The following TNIK variants were observed in gnomAD, a reference collection of about 807,000 sequenced individuals.
TNIK encodes the protein TRAF2 and NCK-interacting protein kinase.
In TNIK, 49 loss-of-function variants were observed where a neutral mutation model predicts 191.3. The ratio of observed to expected loss-of-function variants is 0.26; its 90% confidence interval spans 0.20 to 0.32. TNIK has a LOEUF of 0.32. Ranked by LOEUF, TNIK falls within the 10% of genes least tolerant of loss-of-function variation. TNIK has a pLI of 1.00. For missense variants in TNIK, 1,155 were observed against 1,702.3 expected (o/e 0.68, Z 5.66); for synonymous variants, 594 against 600.9 (o/e 0.99, Z 0.17).
At chr3:171,087,196 G>T in intron 24 of TNIK, 146 bp downstream of exon 24, 1 of 1,114,912 alleles carries the variant, frequency 9.0e-7, no homozygotes, top group Non-Finnish European at 1.3e-6. Context: ...TTCTCTATTT[G>T]AGTATCTGCA....
At chr3:171,435,121 G>A (rs1022005159) in intron 1 of TNIK, among the ~76,000 whole-genome samples, 1 of 152,162 alleles carries the variant, frequency 6.6e-6, no homozygotes, top group African/African-American at 2.4e-5. Flanking sequence ...GCAAACCTAA[G>A]TATCACAGTC....
At chr3:171,093,997 C>T in intron 22 of TNIK, 29 bp from the exon 23 acceptor site, 3 of 1,602,678 alleles carry the variant, frequency 1.9e-6, no homozygotes, top group Non-Finnish European at 1.7e-6. Flanking sequence ...ACATTCATGG[C>T]AATGTATCTT....
At chr3:171,424,144 C>A (rs183593479) in intron 1 of TNIK, among the ~76,000 whole-genome samples, 5,927 of 152,110 alleles carry the variant, frequency 0.039, 404 homozygotes, top group African/African-American at 0.14. Context: ...CAAGAAAAAA[C>A]AAACAACCCC....
At chr3:171,288,336 GAAAATA>G (rs112681818) in intron 2 of TNIK, among the ~76,000 whole-genome samples, 6,685 of 146,862 alleles carry the variant, frequency 0.046, 219 homozygotes, top group African/African-American at 0.096. Context: ...AAAAAAAAAA[GAAAATA>G]TTTGGGTGGA....
chr3:171,351,245 G>T (rs1713122801), intron 2 of TNIK, among the ~76,000 whole-genome samples: 1 of 118,348 alleles, frequency 8.4e-6, no homozygotes, highest in South Asian at 2.8e-4. Context: ...AACAACCATA[G>T]AGAAAATATA....
intron 12 of TNIK, among the ~76,000 whole-genome samples, chr3:171,151,563 A>C (rs929101162): frequency 8.5e-5 from 13 of 152,176 alleles, no homozygotes; most frequent in Admixed American, 8.5e-4. Context: ...CTGTGAGGTA[A>C]ATGCTATTGT....
intron 3 of TNIK, among the ~76,000 whole-genome samples, chr3:171,220,993 G>T (rs1020386422): frequency 1.3e-5 from 2 of 152,080 alleles, no homozygotes; most frequent in Admixed American, 1.3e-4. Context: ...GCCACCAAAA[G>T]GGTCTAATCT....
In TNIK at chr3:171,460,050, G is replaced by T. The variant is rs1410284717; in HGVS notation, c.14C>A (p.Ser5Tyr). The change falls in exon 1 of 33, where the codon TCC (serine) becomes TAC (tyrosine). Residue 5 changes from serine (S) to tyrosine (Y), a missense_variant. Around this residue, in one of 3 missense-constraint regions of TNIK, gnomAD observed 225 missense variants for 438.9 expected, o/e 0.51. Coordinates refer to ENST00000436636, the MANE Select transcript of TNIK (RefSeq NM_015028.4). This position sits in a 1 kb window ranked among gnomAD's most constrained non-coding sequence, Gnocchi z 6.8. Reference sequence around the variant, plus strand: ...TATTTCATCCAGGCTTCGAGCCGGGGAGTCGCTCGCCATGTCTACTTCTTC... The same window carrying T: ...TATTTCATCCAGGCTTCGAGCCGGGTAGTCGCTCGCCATGTCTACTTCTTC... MASD[S>Y]PARSLDEIDL... is the part of the protein sequence containing the mutation. 2 of 1,608,088 alleles carry T rather than the reference G, an allele frequency of 1.2e-6. No individual in the cohort carries two copies. Among genetic ancestry groups the T allele is most frequent in the South Asian group, 1.1e-5 (1 of 89,386 alleles).
intron 18 of TNIK, among the ~76,000 whole-genome samples, chr3:171,117,450 T>G (rs1576869044): frequency 6.6e-6 from 1 of 151,876 alleles, no homozygotes; most frequent in African/African-American, 2.4e-5. Flanking sequence ...ATGGTGGTGA[T>G]TACAGTCAAC....
chr3:171,183,616 C>G (rs1024838806), intron 7 of TNIK, among the ~76,000 whole-genome samples: 1 of 152,068 alleles, frequency 6.6e-6, no homozygotes, highest in Non-Finnish European at 1.5e-5. Context: ...GAAACTGTTG[C>G]CTTTTAGGGG....
intron 28 of TNIK, among the ~76,000 whole-genome samples, chr3:171,074,526 GAAAA>G: frequency 6.7e-6 from 1 of 148,284 alleles, no homozygotes; most frequent in East Asian, 2.0e-4. Context: ...AAAAAGAAAA[GAAAA>G]AAAAATCCCT....
chr3:171,228,149 A>C lies in TNIK; in HGVS notation c.180+16T>G. 6.2e-7 allele frequency: 1 copy of C among 1,613,496 alleles called. No individual in the cohort carries two copies. Among genetic ancestry groups the C allele is most frequent in the South Asian group, 1.1e-5 (1 of 91,064 alleles). Reference sequence around the variant, plus strand: ...CATCTGCATGGCTATTGAGATGGCAAAATAAAGACACTTACCCCTGTGACA... The same window carrying C: ...CATCTGCATGGCTATTGAGATGGCACAATAAAGACACTTACCCCTGTGACA... On this transcript the variant is annotated intron_variant, in intron 3 of 32. Transcript: ENST00000436636.
intron 2 of TNIK, among the ~76,000 whole-genome samples, chr3:171,290,078 A>G (rs1179229274): frequency 1.3e-5 from 2 of 152,136 alleles, no homozygotes; most frequent in Admixed American, 1.3e-4. Flanking sequence ...AGGGTAGGTA[A>G]TGTTTTTAGG....
chr3:171,420,038 G>A (rs1326908028), intron 1 of TNIK, among the ~76,000 whole-genome samples: 1 of 152,216 alleles, frequency 6.6e-6, no homozygotes, highest in Non-Finnish European at 1.5e-5. Context: ...AGTCAAGGGA[G>A]ATACCAGTGT....
intron 2 of TNIK, chr3:171,347,186 T>C (rs1206587833): frequency 3.3e-6 from 5 of 1,526,012 alleles, no homozygotes; most frequent in Non-Finnish European, 4.4e-6. Context: ...TTCTTGGAGT[T>C]GTGATAATGC....
Position 171,075,942 on chromosome 3 carries a change from T to C in TNIK, c.3448+3576A>G, listed in dbSNP as rs9818667. Reference sequence around the variant, plus strand: ...TAGTAGAGACAGGGTTTCACTATGTTGGCCAGGCTGGTCTCAAATACCTGA... The same window carrying C: ...TAGTAGAGACAGGGTTTCACTATGTCGGCCAGGCTGGTCTCAAATACCTGA... On this transcript the variant is annotated intron_variant, in intron 28 of 32. Transcript: ENST00000436636. Among the ~76,000 whole-genome samples the C allele has an allele frequency of 7.2e-3, 1,100 of 152,264 alleles. 13 individuals are homozygous for C. The highest frequency in any genetic ancestry group is 0.025 in the African/African-American group (1,036 of 41,548).
At chr3:171,150,518 A>G (rs777362497) in intron 12 of TNIK, among the ~76,000 whole-genome samples, 23 of 152,156 alleles carry the variant, frequency 1.5e-4, no homozygotes, top group Non-Finnish European at 2.8e-4. Context: ...CTTTATTTAG[A>G]TATTGTTAGG....
At chr3:171,301,367 T>C (rs1268773727) in intron 2 of TNIK, among the ~76,000 whole-genome samples, 2 of 148,434 alleles carry the variant, frequency 1.3e-5, no homozygotes, top group Non-Finnish European at 3.0e-5. Flanking sequence ...TAGGCTAGAG[T>C]GCAGTGGCAC....
At chr3:171,317,155 C>T (rs1754725744) in intron 2 of TNIK, among the ~76,000 whole-genome samples, 1 of 151,990 alleles carries the variant, frequency 6.6e-6, no homozygotes, top group Non-Finnish European at 1.5e-5. Flanking sequence ...TGATTAACTA[C>T]CAAAGTAATA....
Sources: allele counts gnomAD v4.1 joint callset (sites outside exome capture counted in the v4.1 genomes callset), GRCh38; gene constraint gnomAD v4.1.1; regional missense constraint gnomAD v4.1.1; non-coding constraint Gnocchi (gnomAD v3.1); transcripts MANE v1.5; gene names NCBI Gene and HGNC (gene_info 2026-07-23, HGNC 2026-07-21).